The following PREX1 variants were observed in gnomAD, a reference collection of about 807,000 sequenced individuals.
PREX1 encodes the protein phosphatidylinositol 3,4,5-trisphosphate-dependent Rac exchanger 1 protein.
In PREX1, 41 loss-of-function variants were observed where a neutral mutation model predicts 198.3. The ratio of observed to expected loss-of-function variants is 0.21; its 90% CI spans 0.16 to 0.27. The LOEUF (loss-of-function observed/expected upper bound fraction) is 0.27. Among genes scored for constraint, PREX1 ranks in the 10% least tolerant of loss-of-function variants. PREX1 has a pLI of 1.00. For synonymous variants in PREX1, 843 were observed against 887.2 expected, an observed-to-expected ratio of 0.95 and a Z score of 0.89; for missense variants, 1,620 against 2,200.7, an observed-to-expected ratio of 0.74 and a Z score of 5.28.
At chr20:48,665,499 AGTTCTAATCCTGGCTCCAGATGGCCTGC>A (rs2089632733) in intron 15 of PREX1, among the ~76,000 whole-genome samples, 1 of 151,184 alleles carries the variant, frequency 6.6e-6, no homozygotes, top group African/African-American at 2.4e-5. Context: ...AGACGGCCTG[AGTTCTAATCCTGGCTCCAGATGGCCTGC>A]GTTCTAATCC....
At chr20:48,780,502 G>GA (rs1372904381) in intron 1 of PREX1, among the ~76,000 whole-genome samples, 1 of 151,570 alleles carries the variant, frequency 6.6e-6, no homozygotes, top group Non-Finnish European at 1.5e-5. Context: ...AGAGAAAGAA[G>GA]AAAAAAAATA....
chr20:48,885,043 C>T, the PREX1 span, among the ~76,000 whole-genome samples: 4 of 152,220 alleles, frequency 2.6e-5, no homozygotes, highest in African/African-American at 7.2e-5. Flanking sequence ...ATTACTCAAC[C>T]TCTCTCTGCT....
intron 30 of PREX1, among the ~76,000 whole-genome samples, chr20:48,639,475 G>A (rs1411819547): frequency 6.6e-6 from 1 of 152,192 alleles, no homozygotes; most frequent in African/African-American, 2.4e-5. Flanking sequence ...AACAGGTTCA[G>A]CCTTTTCAAC....
At chr20:48,688,863 G>T in intron 9 of PREX1, 59 bp from the exon 10 acceptor site, 1 of 1,600,326 alleles carries the variant, frequency 6.2e-7, no homozygotes, top group Non-Finnish European at 8.5e-7. Flanking sequence ...GGGGGGGTAG[G>T]GGGAGACAAG....
intron 11 of PREX1, among the ~76,000 whole-genome samples, chr20:48,680,641 C>T (rs1324960329): frequency 6.6e-6 from 1 of 152,000 alleles, no homozygotes; most frequent in Non-Finnish European, 1.5e-5. Flanking sequence ...CTGGCTGTTC[C>T]CTCTGCCTGG....
At chr20:48,751,372 T>A (rs947317328) in intron 1 of PREX1, among the ~76,000 whole-genome samples, 13 of 152,142 alleles carry the variant, frequency 8.5e-5, no homozygotes, top group Admixed American at 6.5e-4. Context: ...CTGGCCTAGA[T>A]TGGGGCTTCC....
intron 31 of PREX1, 25 bp from the exon 32 acceptor site, chr20:48,636,708 T>G (rs775681007): frequency 6.4e-7 from 1 of 1,568,414 alleles, no homozygotes; most frequent in Non-Finnish European, 8.7e-7. Flanking sequence ...CAGGAGGCCT[T>G]GCTGGAGGGG....
chr20:48,737,178 G>C (rs1048721702), intron 3 of PREX1, among the ~76,000 whole-genome samples: 1 of 121,178 alleles, frequency 8.3e-6, no homozygotes, highest in Non-Finnish European at 1.6e-5. Context: ...CTTTTTTATT[G>C]AACAGGGTAG....
intron 15 of PREX1, among the ~76,000 whole-genome samples, chr20:48,663,624 T>G (rs1371217320): frequency 6.6e-6 from 1 of 152,272 alleles, no homozygotes; most frequent in East Asian, 1.9e-4. Context: ...TAGCTGCTTT[T>G]GTGCTACAAA....
the PREX1 span, among the ~76,000 whole-genome samples, chr20:48,837,120 G>A: frequency 1.3e-5 from 2 of 152,112 alleles, no homozygotes; most frequent in Non-Finnish European, 2.9e-5. Context: ...TGGCCAGTGA[G>A]ATATCATCTC....
At chr20:48,734,516 G>A (rs1208967498) in intron 4 of PREX1, 30 bp downstream of exon 4, 1 of 1,586,644 alleles carries the variant, frequency 6.3e-7, no homozygotes, top group South Asian at 1.1e-5. Flanking sequence ...CCGAGTGCAA[G>A]GGAGCACCAG....
At chr20:48,812,810 C>T (rs751223318) in intron 1 of PREX1, among the ~76,000 whole-genome samples, 25 of 152,224 alleles carry the variant, frequency 1.6e-4, no homozygotes, top group Middle Eastern at 3.4e-3. Context: ...CATTTCATTA[C>T]GAAGCCATGA....
chr20:48,796,304 T>C (rs1459391422), intron 1 of PREX1, among the ~76,000 whole-genome samples: 1 of 145,200 alleles, frequency 6.9e-6, no homozygotes, highest in African/African-American at 2.6e-5. Flanking sequence ...TTAATAATAA[T>C]TAAAAAAAAA....
the PREX1 span, among the ~76,000 whole-genome samples, chr20:48,860,024 C>CA: frequency 4.0e-5 from 6 of 151,270 alleles, no homozygotes; most frequent in South Asian, 2.1e-4. Context: ...TCTCAAAAAA[C>CA]AAAAAAAAGA....
chr20:48,658,467 G>C (rs1358973838), intron 16 of PREX1, among the ~76,000 whole-genome samples: 1 of 152,248 alleles, frequency 6.6e-6, no homozygotes, highest in Non-Finnish European at 1.5e-5. Flanking sequence ...CAAGAATGTG[G>C]AGTCAGGGAG....
At chr20:48,638,060 A>G (rs2089379116) in intron 30 of PREX1, among the ~76,000 whole-genome samples, 1 of 152,178 alleles carries the variant, frequency 6.6e-6, no homozygotes, top group Non-Finnish European at 1.5e-5. Context: ...TCACATAAGT[A>G]TGGTCACACA....
chr20:48,808,297 A>C (rs1395342144), intron 1 of PREX1, among the ~76,000 whole-genome samples: 1 of 152,178 alleles, frequency 6.6e-6, no homozygotes, highest in Non-Finnish European at 1.5e-5. Context: ...CTCCGGGAGC[A>C]CTTTACATTT....
At chr20:48,634,048 T>TGGATGGATGGATGAGTG (rs2089338004) in intron 33 of PREX1, among the ~76,000 whole-genome samples, 1 of 148,942 alleles carries the variant, frequency 6.7e-6, no homozygotes, top group South Asian at 2.2e-4. Flanking sequence ...AATGGATGCA[T>TGGATGGATGGATGAGTG]GGATGGATGG....
intron 18 of PREX1, 92 bp downstream of exon 18, chr20:48,656,948 G>C (rs553633385): frequency 7.1e-5 from 100 of 1,415,690 alleles, no homozygotes; most frequent in Non-Finnish European, 8.9e-5. Context: ...TCCCAGCCAC[G>C]GGGGACCAGG....
Sources: gnomAD v4.1 joint callset for allele counts (sites outside exome capture counted in the v4.1 genomes callset) on GRCh38, gnomAD v4.1.1 for gene constraint, MANE v1.5 for transcripts, NCBI Gene and HGNC (gene_info 2026-07-23, HGNC 2026-07-21) for gene names.